Variants in HSPBAP1 observed in about 807,000 individuals in gnomAD.
The protein encoded by HSPBAP1 is HSPB1 associated protein 1.
In HSPBAP1, 27 loss-of-function variants were observed where a neutral mutation model predicts 45.2. The ratio of observed to expected loss-of-function variants is 0.60; its 90% confidence interval spans 0.44 to 0.82. The LOEUF (loss-of-function observed/expected upper bound fraction) is 0.82, where lower values mean the gene tolerates loss of function less well. Ranked by LOEUF, HSPBAP1 falls within the 40% of genes least tolerant of loss-of-function variation. The probability of loss-of-function intolerance (pLI) is 0.00; values close to 1 mark genes in which losing one functional copy is unlikely to be tolerated. For missense variants in HSPBAP1, 510 were observed against 590.9 expected (o/e 0.86, Z 1.42); for synonymous variants, 204 against 202.7 (o/e 1.01, Z -0.06).
intron 6 of HSPBAP1, among the ~76,000 whole-genome samples, chr3:122,750,027 T>C (rs1576238341): frequency 6.7e-6 from 1 of 150,200 alleles, no homozygotes; most frequent in South Asian, 2.1e-4. Flanking sequence ...CAGGCCAGAG[T>C]GCAGTGACTT....
intron 6 of HSPBAP1, chr3:122,741,511 G>C (rs1033795851): frequency 2.3e-5 from 4 of 173,592 alleles, no homozygotes; most frequent in African/African-American, 7.2e-5. Flanking sequence ...CAATAAACAT[G>C]CTTGGCTACA....
intron 1 of HSPBAP1, among the ~76,000 whole-genome samples, chr3:122,785,758 T>G (rs764126151): frequency 6.6e-6 from 1 of 152,190 alleles, no homozygotes; most frequent in Non-Finnish European, 1.5e-5. Flanking sequence ...CATTCTCTTC[T>G]TCCTTACTAA....
intron 4 of HSPBAP1, among the ~76,000 whole-genome samples, chr3:122,758,279 C>T (rs1001070846): frequency 3.9e-5 from 6 of 152,200 alleles, no homozygotes; most frequent in Non-Finnish European, 2.9e-5. Context: ...CCAAGTGGCA[C>T]AAACACTTAG....
At chr3:122,769,332 G>A (rs1407281798) in intron 2 of HSPBAP1, among the ~76,000 whole-genome samples, 1 of 152,070 alleles carries the variant, frequency 6.6e-6, no homozygotes, top group Non-Finnish European at 1.5e-5. Context: ...ACAGTTAAAT[G>A]CAAAATTTTA....
At chr3:122,789,235 C>G (rs1935748319) in intron 1 of HSPBAP1, among the ~76,000 whole-genome samples, 1 of 152,194 alleles carries the variant, frequency 6.6e-6, no homozygotes. Context: ...CCATACAACT[C>G]TAGATGAGAT....
intron 3 of HSPBAP1, 124 bp from the exon 4 acceptor site, chr3:122,759,484 C>T: frequency 1.9e-6 from 2 of 1,070,476 alleles, no homozygotes; most frequent in South Asian, 1.5e-5. Context: ...GAAAATGCTA[C>T]AGATGGAAGA....
chr3:122,780,518 A>C (rs1576271923), intron 1 of HSPBAP1, among the ~76,000 whole-genome samples: 1 of 114,512 alleles, frequency 8.7e-6, no homozygotes, highest in Admixed American at 9.1e-5. Context: ...TGACCCCCCC[A>C]CCTCCCTCCC....
chr3:122,768,589 TGGCGATTACTTATGAGAGAAAAA>T, intron 3 of HSPBAP1, 89 bp downstream of exon 3: 1 of 693,060 alleles, frequency 1.4e-6, no homozygotes, highest in East Asian at 2.7e-5. Flanking sequence ...CCAAGATTCA[TGGCGATTACTTATGAGAGAAAAA>T]GGCAGAGAAG....
Position 122,765,355 on chromosome 3 carries a change from C to T in HSPBAP1, c.432+3346G>A, listed in dbSNP as rs1020610064. ...CAGCACTTTGGGAGGCTGAGGCAGGCGGATCACTTGAGTTCAGGAGTTCGA... is the reference window on the plus strand; with the variant it reads ...CAGCACTTTGGGAGGCTGAGGCAGGTGGATCACTTGAGTTCAGGAGTTCGA... On this transcript the variant is annotated intron_variant, in intron 3 of 7. Transcript: ENST00000306103. Among the ~76,000 whole-genome samples, 3 of 151,934 alleles carry T rather than the reference C, an allele frequency of 2.0e-5. No homozygotes were observed. The East Asian group carries it at 5.8e-4, about 29-fold the overall frequency.
intron 4 of HSPBAP1, among the ~76,000 whole-genome samples, chr3:122,757,696 T>A (rs1459438577): frequency 6.6e-6 from 1 of 152,204 alleles, no homozygotes; most frequent in African/African-American, 2.4e-5. Flanking sequence ...ACTAAAGCTA[T>A]TTTATTATTC....
intron 6 of HSPBAP1, among the ~76,000 whole-genome samples, chr3:122,742,126 C>G (rs538635546): frequency 6.8e-6 from 1 of 148,108 alleles, no homozygotes; most frequent in Non-Finnish European, 1.5e-5. Flanking sequence ...ATCAATAGAA[C>G]AATGAATAAT....
chr3:122,777,768 T>C lies in HSPBAP1; in HGVS notation c.203A>G (p.His68Arg). 1 of 1,614,062 alleles carries C rather than the reference T, an allele frequency of 6.2e-7. No individual in the cohort carries two copies. The highest frequency in any genetic ancestry group is 1.1e-5 in the South Asian group (1 of 91,062). Residue 68 changes from histidine (H) to arginine (R), a missense_variant, in exon 2 of 8, where the codon CAT (histidine) becomes CGT (arginine). Physicochemically the swap from His to Arg is conservative, Grantham distance 29. Transcript: ENST00000306103. ...WNAKYLSQVLHGKQIRFRMGM... is the reference protein window; with the variant it reads ...WNAKYLSQVLRGKQIRFRMGM... Reference sequence around the variant, plus strand: ...CATTCTGAATCGTATCTGCTTGCCATGAAGGACCTGCGAAAGGTATTTAGC... The same window carrying C: ...CATTCTGAATCGTATCTGCTTGCCACGAAGGACCTGCGAAAGGTATTTAGC...
At chr3:122,746,700 C>G (rs1272135744) in intron 6 of HSPBAP1, among the ~76,000 whole-genome samples, 1 of 151,782 alleles carries the variant, frequency 6.6e-6, no homozygotes, top group Admixed American at 6.6e-5. Context: ...CCTCTGATGC[C>G]GAGCCGAAGC....
At chr3:122,744,448 A>G (rs1933777140) in intron 6 of HSPBAP1, among the ~76,000 whole-genome samples, 1 of 152,262 alleles carries the variant, frequency 6.6e-6, no homozygotes, top group Admixed American at 6.5e-5. Flanking sequence ...TTATTGTCCA[A>G]TGTTGAAGAG....
At chr3:122,777,215 G>A (rs1346499364) in intron 2 of HSPBAP1, among the ~76,000 whole-genome samples, 1 of 152,146 alleles carries the variant, frequency 6.6e-6, no homozygotes, top group South Asian at 2.1e-4. Context: ...TTTCATGTTT[G>A]TGCAATGCAA....
At chr3:122,792,489 G>A (rs1334675926) in intron 1 of HSPBAP1, among the ~76,000 whole-genome samples, 2 of 152,040 alleles carry the variant, frequency 1.3e-5, no homozygotes, top group African/African-American at 4.8e-5. Context: ...ATAGTAGGAG[G>A]CTATAATTTG....
At chr3:122,768,441 C>T (rs1341531675) in intron 3 of HSPBAP1, among the ~76,000 whole-genome samples, 1 of 152,166 alleles carries the variant, frequency 6.6e-6, no homozygotes, top group Admixed American at 6.5e-5. Context: ...TACTCCAAAC[C>T]GACTCAAGCA....
Position 122,740,797 on chromosome 3 carries a change from A to T in HSPBAP1, c.1015T>A (p.Ser339Thr). 6.2e-7 allele frequency: 1 copy of T among 1,614,060 alleles called. No individual in the cohort carries two copies. The highest frequency in any genetic ancestry group is 8.5e-7 in the Non-Finnish European group (1 of 1,180,028). ...VSAFFDRCRT[S>T]EVVEIQALRT... is the part of the protein sequence containing the mutation. ...AGTGCTTGGATTTCTACTACCTCAG[A>T]TGTTCTGCAGCGATCAAAAAATGCA... Residue 339 changes from serine to threonine, a missense_variant, in exon 8 of 8, where the codon TCT becomes ACT. Physicochemically the swap from Ser to Thr is moderately conservative, Grantham distance 58 (BLOSUM62 1). Transcript: ENST00000306103.
At chr3:122,770,562 G>A (rs1461956579) in intron 2 of HSPBAP1, among the ~76,000 whole-genome samples, 3 of 152,122 alleles carry the variant, frequency 2.0e-5, no homozygotes, top group Admixed American at 6.6e-5. Flanking sequence ...TTAGCCAGAT[G>A]TGGTAGCACG....
Sources: gnomAD v4.1 joint callset for allele counts (sites outside exome capture counted in the v4.1 genomes callset) on GRCh38, gnomAD v4.1.1 for gene constraint, MANE v1.5 for transcripts, NCBI Gene and HGNC (gene_info 2026-07-23, HGNC 2026-07-21) for gene names.